TCF12: variants seen among roughly 807,000 people sequenced by gnomAD.
The protein encoded by TCF12 is DNA-binding protein HTF4.
A neutral mutation model predicts 86.0 loss-of-function variants in TCF12; 45 were observed. The observed-to-expected ratio is 0.52, with a 90% CI of 0.41 to 0.67. The LOEUF (loss-of-function observed/expected upper bound fraction) is 0.67, where lower values mean the gene tolerates loss of function less well. Among genes scored for constraint, TCF12 ranks in the 30% least tolerant of loss-of-function variants. The pLI is 0.00. For synonymous variants in TCF12, 330 were observed against 299.6 expected (o/e 1.10, Z -1.05); for missense variants, 881 against 859.9 (o/e 1.02, Z -0.31).
At chr15:57,072,299 A>G (rs1396893754) in intron 4 of TCF12, among the ~76,000 whole-genome samples, 1 of 152,238 alleles carries the variant, frequency 6.6e-6, no homozygotes, top group Non-Finnish European at 1.5e-5. Flanking sequence ...CTCCTGAATT[A>G]AACTTCATGT....
rs535904773 is a variant in TCF12, at chr15:57,149,007, C to T, written c.326-17395C>T. Among the ~76,000 whole-genome samples, 22 of 152,198 alleles carry T rather than the reference C, an allele frequency of 1.4e-4. No homozygotes were observed. In the East Asian group the frequency reaches 3.5e-3, roughly 24 times the overall value. ...ACATTGCCAGGATATACAAATCCCT[C>T]GGAGAAAGAACAGGAGTGCTTTAAG... On this transcript the variant is annotated intron_variant, in intron 5 of 20. Transcript: ENST00000333725.
At chr15:57,136,958 GT>G (rs869113042) in intron 5 of TCF12, among the ~76,000 whole-genome samples, 7 of 83,000 alleles carry the variant, frequency 8.4e-5, no homozygotes, top group African/African-American at 2.4e-4. Context: ...GCTTCTGGCA[GT>G]TTTTTTTTTT....
chr15:56,969,532 G>A (rs1291047249), intron 3 of TCF12, among the ~76,000 whole-genome samples: 1 of 111,028 alleles, frequency 9.0e-6, no homozygotes, highest in African/African-American at 3.3e-5. Flanking sequence ...CATCCAGTTG[G>A]AGATTTTTTT....
At chr15:56,969,726 T>C (rs931317703) in intron 3 of TCF12, among the ~76,000 whole-genome samples, 1 of 152,040 alleles carries the variant, frequency 6.6e-6, no homozygotes, top group Non-Finnish European at 1.5e-5. Context: ...TAGTGGAGAA[T>C]TGGTCTGGTC....
chr15:57,065,358 T>G lies in TCF12; in HGVS notation c.222+1535T>G, dbSNP rs16977230. On this transcript the variant is annotated intron_variant, in intron 4 of 20. Transcript: ENST00000333725. ...CGCATTGTTTTTGTCTTGAGGCTAC[T>G]TAAACTGGTTGATACCCAAATTTCC... is the stretch of plus-strand genomic sequence containing the variant. 4.4e-3 allele frequency among the ~76,000 whole-genome samples: 665 copies of G among 152,364 alleles called. 8 individuals carry two copies. Among genetic ancestry groups the G allele is most frequent in the Admixed American group, 0.024 (361 of 15,302 alleles).
chr15:57,075,103 G>A (rs1247007274), intron 4 of TCF12, among the ~76,000 whole-genome samples: 1 of 152,180 alleles, frequency 6.6e-6, no homozygotes, highest in Non-Finnish European at 1.5e-5. Context: ...TGTGCACGGA[G>A]CAGAGCATAT....
intron 5 of TCF12, among the ~76,000 whole-genome samples, chr15:57,147,029 A>G (rs1281202121): frequency 1.3e-5 from 2 of 152,154 alleles, no homozygotes; most frequent in Non-Finnish European, 2.9e-5. Flanking sequence ...TTTTGTTTTT[A>G]TTGTCATGGA....
chr15:56,961,148 A>C (rs138153979), intron 3 of TCF12, among the ~76,000 whole-genome samples: 1 of 148,258 alleles, frequency 6.7e-6, no homozygotes. Flanking sequence ...AAAAAAAATC[A>C]GTTCATTAAA....
At chr15:57,006,087 A>G (rs532169675) in intron 3 of TCF12, among the ~76,000 whole-genome samples, 3 of 152,328 alleles carry the variant, frequency 2.0e-5, no homozygotes, top group Admixed American at 6.5e-5. Flanking sequence ...AATGTCTGTC[A>G]TAGTACCATT....
At chr15:57,189,013 T>G (rs2056837269) in intron 6 of TCF12, among the ~76,000 whole-genome samples, 1 of 152,212 alleles carries the variant, frequency 6.6e-6, no homozygotes, top group Non-Finnish European at 1.5e-5. Flanking sequence ...TGTCTTGAAC[T>G]CCTGGGTTCA....
chr15:57,189,655 C>T (rs1471039621), intron 6 of TCF12, among the ~76,000 whole-genome samples: 1 of 152,114 alleles, frequency 6.6e-6, no homozygotes, highest in African/African-American at 2.4e-5. Context: ...AATAGTGCAG[C>T]CCCTGTGGAA....
chr15:57,062,289 C>T (rs368279878), intron 3 of TCF12, among the ~76,000 whole-genome samples: 3 of 152,086 alleles, frequency 2.0e-5, no homozygotes. Flanking sequence ...ATTCCCCAAA[C>T]TCATAGAATA....
chr15:56,990,256 CG>C (rs2063385621), intron 3 of TCF12, among the ~76,000 whole-genome samples: 2 of 148,258 alleles, frequency 1.3e-5, no homozygotes, highest in Admixed American at 6.7e-5. Flanking sequence ...TGTGCGTGTG[CG>C]TGTGTGTGTG....
intron 18 of TCF12, among the ~76,000 whole-genome samples, chr15:57,264,681 G>A (rs1555413541): frequency 6.6e-6 from 1 of 152,052 alleles, no homozygotes; most frequent in Non-Finnish European, 1.5e-5. Context: ...TGTCTTCACA[G>A]GCAGTAACAT....
chr15:57,241,279 A>G (rs554761491), intron 12 of TCF12, among the ~76,000 whole-genome samples: 1 of 152,024 alleles, frequency 6.6e-6, no homozygotes, highest in South Asian at 2.1e-4. Context: ...TCTAGTAGAG[A>G]CGGGGTTTCA....
At chr15:57,127,787 G>A (rs7180911) in intron 5 of TCF12, among the ~76,000 whole-genome samples, 7,120 of 152,088 alleles carry the variant, frequency 0.047, 335 homozygotes, top group African/African-American at 0.12. Flanking sequence ...CTATTACGTC[G>A]GTTGATGAGT....
intron 5 of TCF12, among the ~76,000 whole-genome samples, chr15:57,121,523 C>G (rs1456178722): frequency 2.6e-5 from 4 of 152,160 alleles, no homozygotes; most frequent in African/African-American, 9.7e-5. Flanking sequence ...TGAAGTGGCT[C>G]AAGGTCGAAA....
At chr15:56,986,015 T>A (rs2063162333) in intron 3 of TCF12, among the ~76,000 whole-genome samples, 1 of 152,118 alleles carries the variant, frequency 6.6e-6, no homozygotes, top group East Asian at 1.9e-4. Context: ...TTTGATCTTT[T>A]GTCAGTTCTT....
chr15:56,934,777 G>A (rs1256775484), intron 3 of TCF12, among the ~76,000 whole-genome samples: 1 of 152,196 alleles, frequency 6.6e-6, no homozygotes, highest in Non-Finnish European at 1.5e-5. Flanking sequence ...TTGGAACCCA[G>A]TGCCGGTAGA....
Sources: gnomAD v4.1 joint callset for allele counts (sites outside exome capture counted in the v4.1 genomes callset) on GRCh38, gnomAD v4.1.1 for gene constraint, MANE v1.5 for transcripts, NCBI Gene and HGNC (gene_info 2026-07-23, HGNC 2026-07-21) for gene names.